HEXB: variants seen among roughly 807,000 people sequenced by gnomAD.
HEXB encodes beta-hexosaminidase subunit beta.
Under a neutral mutation model 71.2 loss-of-function variants are expected in HEXB, and 51 were observed. That is an observed-to-expected ratio of 0.72 (90% CI 0.57 to 0.90). The LOEUF (loss-of-function observed/expected upper bound fraction) is 0.90. Ranked by LOEUF, HEXB falls within the 40% of genes least tolerant of loss-of-function variation. The pLI, the probability that HEXB is intolerant of heterozygous loss-of-function variation, is 0.00. For synonymous variants in HEXB, 266 were observed against 249.3 expected, an observed-to-expected ratio of 1.07 and a Z score of -0.63; for missense variants, 617 against 677.0, an observed-to-expected ratio of 0.91 and a Z score of 0.98.
At chr5:74,643,971 G>C (rs1054232140) in intron 1 of HEXB, among the ~76,000 whole-genome samples, 1 of 152,244 alleles carries the variant, frequency 6.6e-6, no homozygotes, top group Non-Finnish European at 1.5e-5. Flanking sequence ...TTATTTGCTA[G>C]ATGGACTTCA....
At chr5:74,711,442 A>C (rs1367311874) in intron 6 of HEXB, among the ~76,000 whole-genome samples, 1 of 152,012 alleles carries the variant, frequency 6.6e-6, no homozygotes, top group Non-Finnish European at 1.5e-5. Flanking sequence ...AATGGGATCT[A>C]ATTAAACTAA....
At chr5:74,651,395 C>T (rs1457702144) in intron 1 of HEXB, among the ~76,000 whole-genome samples, 1 of 152,210 alleles carries the variant, frequency 6.6e-6, no homozygotes, top group Non-Finnish European at 1.5e-5. Flanking sequence ...ATGAATGGCT[C>T]TTCCTAGTAC....
chr5:74,720,761 T>TTTTA lies in HEXB; in HGVS notation c.1613+14_1613+15insTTTA. 1 of 1,587,332 alleles carries TTTTA rather than the reference T, an allele frequency of 6.3e-7. No individual in the cohort carries two copies. Among genetic ancestry groups the TTTTA allele is most frequent in the Non-Finnish European group, 8.7e-7 (1 of 1,155,732 alleles). ...CAGGATGGTCGAGTAAGAAATCTAT[T>TTTTA]AAGTCCAGTGTGATTTTTAACCTTC... On this transcript the variant is annotated intron_variant, in intron 13 of 13. Coordinates refer to ENST00000261416, the MANE Select transcript of HEXB (RefSeq NM_000521.4).
chr5:74,713,264 A>C lies in HEXB; in HGVS notation c.772-242A>C, dbSNP rs578111683. On this transcript the variant is annotated intron_variant, in intron 6 of 13. Coordinates refer to ENST00000261416, the MANE Select transcript of HEXB (RefSeq NM_000521.4). ...AAACAAATGATTTGACAAAAGCCCC[A>C]AAATGGCTATCATCCTTTGAGTATG... Among the ~76,000 whole-genome samples the C allele has an allele frequency of 6.6e-5, 10 of 152,342 alleles. No individual in the cohort carries two copies. The East Asian group carries it at 1.9e-3, about 29-fold the overall frequency.
intron 5 of HEXB, among the ~76,000 whole-genome samples, chr5:74,703,240 A>G (rs1203349134): frequency 6.6e-6 from 1 of 152,252 alleles, no homozygotes; most frequent in Non-Finnish European, 1.5e-5. Flanking sequence ...GGCGTGAGCC[A>G]CTGTGCCCAG....
In HEXB at chr5:74,685,514, C is replaced by T; in HGVS notation, c.254C>T (p.Ser85Phe). 6.2e-7 allele frequency: 1 copy of T among 1,605,544 alleles called. No individual in the cohort carries two copies. Among genetic ancestry groups the T allele is most frequent in the Non-Finnish European group, 8.5e-7 (1 of 1,176,206 alleles). Residue 85 changes from serine to phenylalanine, a missense_variant, in exon 1 of 14, where the codon TCC (serine) becomes TTC (phenylalanine). By Grantham distance (155) the Ser-to-Phe change is radical. Coordinates refer to ENST00000261416, the MANE Select transcript of HEXB (RefSeq NM_000521.4). ...ENFYISHSPNSTAGPSCTLLE... is the reference protein window; with the variant it reads ...ENFYISHSPNFTAGPSCTLLE... ...TTCTACATCAGCCACAGCCCCAATT[C>T]CACGGCGGGCCCCTCCTGCACCCTG...
At chr5:74,704,252 G>A (rs1749327413) in intron 5 of HEXB, among the ~76,000 whole-genome samples, 1 of 152,162 alleles carries the variant, frequency 6.6e-6, no homozygotes, top group South Asian at 2.1e-4. Context: ...ATATTTATCT[G>A]CACAATCCCC....
chr5:74,674,539 G>A (rs1419849243), intron 1 of HEXB, among the ~76,000 whole-genome samples: 1 of 150,258 alleles, frequency 6.7e-6, no homozygotes, highest in Non-Finnish European at 1.5e-5. Flanking sequence ...GGGAGGCGGA[G>A]CTTGCAGTGA....
intron 1 of HEXB, among the ~76,000 whole-genome samples, chr5:74,647,524 T>C (rs2112069148): frequency 6.6e-6 from 1 of 152,354 alleles, no homozygotes; most frequent in East Asian, 1.9e-4. Flanking sequence ...GAGACACTGA[T>C]GCGTGTGTTG....
At chr5:74,682,843 A>G (rs1748764215), upstream of HEXB, among the ~76,000 whole-genome samples, 1 of 152,226 alleles carries the variant, frequency 6.6e-6, no homozygotes, top group South Asian at 2.1e-4. Context: ...CTCATCCATC[A>G]TGAGTCATGG....
At chr5:74,690,901 C>T in intron 2 of HEXB, among the ~76,000 whole-genome samples, 1 of 152,106 alleles carries the variant, frequency 6.6e-6, no homozygotes, top group East Asian at 1.9e-4. Context: ...GGTATCATTT[C>T]AATTGATACT....
chr5:74,668,306 T>C (rs1408384437), intron 1 of HEXB, among the ~76,000 whole-genome samples: 3 of 152,104 alleles, frequency 2.0e-5, no homozygotes, highest in Non-Finnish European at 4.4e-5. Flanking sequence ...TTTTCTCTTT[T>C]CAGTTCTGTT....
chr5:74,708,563 A>G (rs941274841), intron 6 of HEXB, among the ~76,000 whole-genome samples: 11 of 152,216 alleles, frequency 7.2e-5, no homozygotes, highest in Non-Finnish European at 1.6e-4. Flanking sequence ...GGGCAGAGAC[A>G]CACATAGGCT....
Position 74,720,404 on chromosome 5 carries a change from C to G in HEXB, c.1418-24C>G, listed in dbSNP as rs185971652. 2.7e-6 allele frequency: 4 copies of G among 1,501,580 alleles called. No homozygotes were observed. In the African/African-American group the frequency reaches 5.5e-5, roughly 21 times the overall value. 93.0% of individuals were successfully genotyped at this position (1,501,580 alleles called of 1,614,324 possible). A position where few individuals can be genotyped will look rare whatever the true frequency, so the allele number is the denominator to read the frequency against. On this transcript the variant is annotated intron_variant, in intron 11 of 13. Transcript: ENST00000261416. ...TGTGTATAAGCTTTGAACTTCTGAA[C>G]TTAATTCAATGATTTTAATTTAGGT...
chr5:74,683,716 T>A (rs1286690296), upstream of HEXB, among the ~76,000 whole-genome samples: 2 of 151,928 alleles, frequency 1.3e-5, no homozygotes, highest in East Asian at 3.9e-4. Flanking sequence ...GTCAGAAAGA[T>A]CTTCTGACTC....
intron 1 of HEXB, among the ~76,000 whole-genome samples, chr5:74,660,199 C>T (rs1748293894): frequency 6.6e-6 from 1 of 152,176 alleles, no homozygotes; most frequent in African/African-American, 2.4e-5. Flanking sequence ...CCCTGATAGC[C>T]AAACTCTAAT....
intron 1 of HEXB, among the ~76,000 whole-genome samples, chr5:74,658,111 C>T (rs199644626): frequency 2.0e-5 from 3 of 152,138 alleles, no homozygotes; most frequent in East Asian, 3.9e-4. Context: ...CTTGCCAGCA[C>T]GTCTGATGTC....
chr5:74,713,682 G>C, intron 7 of HEXB, 47 bp downstream of exon 7: 3 of 1,512,012 alleles, frequency 2.0e-6, no homozygotes, highest in Non-Finnish European at 2.8e-6. Flanking sequence ...TTTATTTTTT[G>C]AGATGGAGTC....
intron 2 of HEXB, chr5:74,689,771 CAT>C (rs1366797677): frequency 2.6e-6 from 1 of 382,610 alleles, no homozygotes; most frequent in East Asian, 5.2e-5. Flanking sequence ...AAACATTTTA[CAT>C]AGACATAAAT....
Sources: gnomAD v4.1 joint callset for allele counts (sites outside exome capture counted in the v4.1 genomes callset) on GRCh38, gnomAD v4.1.1 for gene constraint, MANE v1.5 for transcripts, NCBI Gene and HGNC (gene_info 2026-07-23, HGNC 2026-07-21) for gene names.